The following PLXNA1 variants were observed in gnomAD, a reference collection of about 807,000 sequenced individuals.
The protein encoded by PLXNA1 is plexin A1, also known as plexin-A1.
Under a neutral mutation model 191.7 loss-of-function variants are expected in PLXNA1, and 77 were observed. The observed-to-expected ratio is 0.40, with a 90% CI of 0.33 to 0.49. PLXNA1 has a LOEUF of 0.49. PLXNA1 is among the 20% of genes least tolerant of loss of function. PLXNA1 has a pLI of 0.63. For missense variants in PLXNA1, 2,110 were observed against 2,660.2 expected (o/e 0.79, Z 4.55); for synonymous variants, 1,137 against 1,156.4 (o/e 0.98, Z 0.34).
chr3:127,035,263 T>G lies in PLXNA1; in HGVS notation c.*1246T>G, dbSNP rs2079235118. On this transcript the variant is annotated 3_prime_UTR_variant, in exon 32 of 32. Transcript: ENST00000393409. ...CATATATATATATGTGGCTCTAGCC[T>G]CAGGCTCCAGCCCCAGTGGGGTACT... 6.6e-6 allele frequency: 1 copy of G among 152,216 alleles called. No homozygotes were observed. Among genetic ancestry groups the G allele is most frequent in the South Asian group, 2.1e-4 (1 of 4,828 alleles). 9.4% of individuals were successfully genotyped at this position (152,216 alleles called of 1,614,324 possible).
intron 27 of PLXNA1, 129 bp downstream of exon 27, chr3:127,029,665 C>T (rs763433461): frequency 9.8e-6 from 11 of 1,119,094 alleles, no homozygotes; most frequent in South Asian, 5.5e-5. Context: ...CTGTCACTCG[C>T]ACTCTTGGCC....
At chr3:127,016,002 G>C (rs1486142671) in intron 15 of PLXNA1, among the ~76,000 whole-genome samples, 1 of 152,150 alleles carries the variant, frequency 6.6e-6, no homozygotes, top group African/African-American at 2.4e-5. Context: ...GTAGGAGTGG[G>C]TGCTGGGCTC....
At position 127,005,021 on chromosome 3, in the gene PLXNA1, C is replaced by A; in HGVS notation, c.1743+13C>A. On this transcript the variant is annotated intron_variant, in intron 6 of 31. Transcript: ENST00000393409. ...GTCCCAGGTCCCAGTAAGTGTGGCA[C>A]CCCAGGTGGTAAGGGGTGGGGGACA... 6.2e-7 allele frequency: 1 copy of A among 1,608,796 alleles called. No individual in the cohort carries two copies. The highest frequency in any genetic ancestry group is 8.5e-7 in the Non-Finnish European group (1 of 1,177,004).
chr3:127,030,841 G>T lies in PLXNA1; in HGVS notation c.5231+429G>T, dbSNP rs2107638805. Among the ~76,000 whole-genome samples, 4 of 152,316 alleles carry T rather than the reference G, an allele frequency of 2.6e-5. No individual in the cohort carries two copies. In the South Asian group the frequency reaches 8.3e-4, roughly 32 times the overall value. ...TTACAGCCTCCCCATTGCAGTGTGG[G>T]GCCAGGCCAGAGCCTGCTTACTGAG... is the stretch of plus-strand genomic sequence containing the variant. On this transcript the variant is annotated intron_variant, in intron 29 of 31. Coordinates refer to ENST00000393409, the MANE Select transcript of PLXNA1 (RefSeq NM_032242.4).
intron 9 of PLXNA1, among the ~76,000 whole-genome samples, chr3:127,009,591 T>C (rs2079086162): frequency 6.8e-6 from 1 of 146,348 alleles, no homozygotes; most frequent in African/African-American, 2.5e-5. Context: ...CCGTCTCTGT[T>C]TCTGGTGGGT....
In PLXNA1 at chr3:127,014,697, C is replaced by G. The variant is rs971724158; in HGVS notation, c.2757-14C>G. 1 of 1,610,990 alleles carries G rather than the reference C, an allele frequency of 6.2e-7. No individual in the cohort carries two copies. Among genetic ancestry groups the G allele is most frequent in the African/African-American group, 1.3e-5 (1 of 74,918 alleles). ...GCGGGGCTCCTGCAGCCCCTGAGGC[C>G]CGCCTGCCCACAGGATCGTCTGTGA... On this transcript the variant is annotated splice_polypyrimidine_tract_variant and intron_variant, in intron 13 of 31. Transcript: ENST00000393409.
At position 127,030,068 on chromosome 3, in the gene PLXNA1, G is replaced by A. The variant is rs753433974; in HGVS notation, c.5061+4G>A. 1.2e-6 allele frequency: 2 copies of A among 1,609,484 alleles called. No individual in the cohort carries two copies. Among genetic ancestry groups the A allele is most frequent in the Non-Finnish European group, 8.5e-7 (1 of 1,176,558 alleles). ...GACACGGCTACTGGCCACCAAGGTG[G>A]GCCTGGCTGGCAGATGGGGGCAGGG... On this transcript the variant is annotated splice_donor_region_variant and intron_variant, in intron 28 of 31. Coordinates refer to ENST00000393409, the MANE Select transcript of PLXNA1 (RefSeq NM_032242.4).
At position 126,989,396 on chromosome 3, in the gene PLXNA1, C is replaced by T. The variant is rs749355498; in HGVS notation, c.803C>T (p.Thr268Ile). The T allele has an allele frequency of 6.2e-7, 1 of 1,613,560 alleles. No homozygotes were observed. The highest frequency in any genetic ancestry group is 8.5e-7 in the Non-Finnish European group (1 of 1,180,046). The change falls in exon 2 of 32, where the codon ACC (threonine) becomes ATC (isoleucine). Residue 268 changes from threonine (T) to isoleucine (I), a missense_variant. Physicochemically the swap from Thr to Ile is moderately conservative, Grantham distance 89. Transcript: ENST00000393409. ...ACGCTGCAGCTAGACACACAGCTGA[C>T]CTCGCCTGATGCCGCCGGCGAGCAC... ...YLTLQLDTQL[T>I]SPDAAGEHFF...
intron 14 of PLXNA1, 39 bp from the exon 15 acceptor site, chr3:127,015,145 A>C: frequency 1.3e-6 from 2 of 1,586,150 alleles, no homozygotes; most frequent in Non-Finnish European, 1.7e-6. Flanking sequence ...CCCGAGGGGG[A>C]CTTTCCTGAG....
intron 17 of PLXNA1, 76 bp from the exon 18 acceptor site, chr3:127,017,349 G>T (rs2079128748): frequency 6.5e-7 from 1 of 1,539,208 alleles, no homozygotes; most frequent in South Asian, 1.2e-5. Flanking sequence ...CAGCCCCCAG[G>T]CCAGGGGCTC....
intron 2 of PLXNA1, among the ~76,000 whole-genome samples, chr3:126,990,337 T>C (rs1187446925): frequency 6.6e-6 from 1 of 152,226 alleles, no homozygotes; most frequent in Non-Finnish European, 1.5e-5. Context: ...GCTGATGGTG[T>C]CCTGGTGCAG....
rs765878123 is a variant in PLXNA1, at chr3:126,989,598, C to T, written c.1005C>T (p.Asp335=). 40 of 1,613,122 alleles carry T rather than the reference C, an allele frequency of 2.5e-5. 1 individual carries two copies. Among genetic ancestry groups the T allele is most frequent in the Admixed American group, 6.7e-5 (4 of 60,010 alleles). Reference sequence around the variant, plus strand: ...AGCTGGGCCTGGCTGAGGACGAGGACGTGCTGTTCACTGTGTTCGCCCAGG... The same window carrying T: ...AGCTGGGCCTGGCTGAGGACGAGGATGTGCTGTTCACTGTGTTCGCCCAGG... ...AHQLGLAEDE[D]VLFTVFAQGQ... is the part of the protein sequence containing the mutation. Residue 335 remains aspartate (D), a synonymous_variant, in exon 2 of 32, where the codon GAC becomes GAT. Coordinates refer to ENST00000393409, the MANE Select transcript of PLXNA1 (RefSeq NM_032242.4).
chr3:127,005,992 C>T (rs1207570542), intron 7 of PLXNA1, 87 bp from the exon 8 acceptor site: 15 of 980,710 alleles, frequency 1.5e-5, no homozygotes, highest in East Asian at 7.2e-5. Context: ...GGAGGGTCTC[C>T]GGGCAAGTTG....
intron 21 of PLXNA1, 54 bp from the exon 22 acceptor site, chr3:127,022,031 T>G: frequency 3.2e-6 from 5 of 1,578,756 alleles, no homozygotes; most frequent in Non-Finnish European, 4.3e-6. Context: ...CTGGTCAGCT[T>G]GGGGGCTGGG....
intron 1 of PLXNA1, among the ~76,000 whole-genome samples, chr3:126,988,056 T>G (rs2078968424): frequency 6.6e-6 from 1 of 152,086 alleles, no homozygotes; most frequent in Non-Finnish European, 1.5e-5. Context: ...TAGGGGACGG[T>G]GGTGGAGTAT....
chr3:127,017,749 G>C lies in PLXNA1; in HGVS notation c.3517G>C (p.Gly1173Arg). The change falls in exon 19 of 32, where the codon GGC becomes CGC. Residue 1173 changes from glycine to arginine, a missense_variant and splice_region_variant. By Grantham distance (125) the Gly-to-Arg change is moderately radical. Coordinates refer to ENST00000393409, the MANE Select transcript of PLXNA1 (RefSeq NM_032242.4). ...LKPSSPLILK[G>R]RNLLPPAPGN... ...TCTGGCTCACCCCCATCTCCTACAGGGCCGGAACCTCTTGCCACCTGCACC... is the reference window on the plus strand; with the variant it reads ...TCTGGCTCACCCCCATCTCCTACAGCGCCGGAACCTCTTGCCACCTGCACC... 6.2e-7 allele frequency: 1 copy of C among 1,613,192 alleles called. No individual in the cohort carries two copies. The highest frequency in any genetic ancestry group is 8.5e-7 in the Non-Finnish European group (1 of 1,180,012).
At chr3:127,021,193 G>A (rs1331851100) in intron 21 of PLXNA1, among the ~76,000 whole-genome samples, 1 of 152,238 alleles carries the variant, frequency 6.6e-6, no homozygotes, top group Non-Finnish European at 1.5e-5. Context: ...GCTGCCTGTG[G>A]CTGAGTGCTG....
At chr3:127,016,442 C>T (rs1403940033) in intron 15 of PLXNA1, 75 bp from the exon 16 acceptor site, 2 of 1,336,076 alleles carry the variant, frequency 1.5e-6, no homozygotes, top group Non-Finnish European at 2.1e-6. Flanking sequence ...TTCCCACCGT[C>T]CCTCAATGCA....
At chr3:126,986,426 T>A (rs1007034474) in intron 1 of PLXNA1, among the ~76,000 whole-genome samples, 109 of 152,312 alleles carry the variant, frequency 7.2e-4, no homozygotes, top group African/African-American at 2.6e-3. Flanking sequence ...TCTGAGAGCC[T>A]CGGTTTCCCC....
Sources: allele counts gnomAD v4.1 joint callset (sites outside exome capture counted in the v4.1 genomes callset), GRCh38; gene constraint gnomAD v4.1.1; transcripts MANE v1.5; gene names NCBI Gene and HGNC (gene_info 2026-07-23, HGNC 2026-07-21).